Variants in PFKM observed in about 807,000 individuals in gnomAD.
PFKM encodes phosphofructokinase, muscle.
A neutral mutation model predicts 95.5 loss-of-function variants in PFKM; 58 were observed. That is an observed-to-expected ratio of 0.61 (90% CI 0.49 to 0.76). The LOEUF is 0.76. Ranked by LOEUF, PFKM falls within the 30% of genes least tolerant of loss-of-function variation. The pLI is 0.00. For missense variants in PFKM, 678 were observed against 1,005.4 expected, an observed-to-expected ratio of 0.67 and a Z score of 4.40; for synonymous variants, 336 against 357.2, an observed-to-expected ratio of 0.94 and a Z score of 0.67.
In PFKM at chr12:48,141,865, A is replaced by AC. The variant is rs777617439; in HGVS notation, c.1500+40dup. On this transcript the variant is annotated intron_variant, in intron 16 of 22. Transcript: ENST00000359794. ...CACCATTTCTTCCTCTCTCCCTCCT[A>AC]CCTCCTCTCCCTCTCCCCAATCCTG... 2.7e-5 allele frequency: 43 copies of AC among 1,611,548 alleles called. No homozygotes were observed. The African/African-American group carries it at 5.5e-4, about 21-fold the overall frequency.
rs759302810 is a variant in PFKM at position 48,145,745 on chromosome 12, T to C, written c.*37T>C. On this transcript the variant is annotated 3_prime_UTR_variant, in exon 23 of 23. Coordinates refer to ENST00000359794, the MANE Select transcript of PFKM (RefSeq NM_000289.6). This position sits in a 1 kb window ranked among gnomAD's most constrained non-coding sequence, Gnocchi z 4.3. ...GTGAGGGGAATAGATTACCTGATCA[T>C]GGTCAGCTCACACCCTAATAAGTCC... is the stretch of plus-strand genomic sequence containing the variant. 6.2e-6 allele frequency: 10 copies of C among 1,606,736 alleles called. No homozygotes were observed. Among genetic ancestry groups the C allele is most frequent in the Non-Finnish European group, 8.5e-6 (10 of 1,173,514 alleles).
chr12:48,117,099 C>T (rs909830046), upstream of PFKM, among the ~76,000 whole-genome samples: 1 of 152,200 alleles, frequency 6.6e-6, no homozygotes, highest in African/African-American at 2.4e-5. Context: ...TCCAGACTGT[C>T]ATACAGTTGG....
At chr12:48,141,858 CCCT>C (rs1363113382) in intron 16 of PFKM, 31 bp downstream of exon 16, 1 of 1,612,692 alleles carries the variant, frequency 6.2e-7, no homozygotes, top group Non-Finnish European at 8.5e-7. Context: ...CTTCCTCTCT[CCCT>C]CCTACCTCCT....
At chr12:48,110,333 C>A (rs564034281) in intron 3 of PFKM, among the ~76,000 whole-genome samples, 2 of 152,264 alleles carry the variant, frequency 1.3e-5, no homozygotes, top group African/African-American at 4.8e-5. Context: ...GTCTTATGGA[C>A]ACTTTTGAGC....
chr12:48,140,638 G>C (rs1421138208), intron 13 of PFKM, 84 bp from the exon 14 acceptor site: 1 of 1,295,890 alleles, frequency 7.7e-7, no homozygotes. Context: ...CAAGGGCTTA[G>C]AGCCCTTGCC....
At chr12:48,126,141 C>G (rs12831427) in intron 2 of PFKM, among the ~76,000 whole-genome samples, 3 of 152,140 alleles carry the variant, frequency 2.0e-5, no homozygotes, top group African/African-American at 7.2e-5. Context: ...TGCCTGTAAT[C>G]TTATCCTTCG....
intron 2 of PFKM, 140 bp downstream of exon 2, chr12:48,122,999 C>T: frequency 1.4e-6 from 1 of 707,866 alleles, no homozygotes; most frequent in South Asian, 1.7e-5. Context: ...GGCCTAAGTC[C>T]TCAAGTGCAT....
intron 17 of PFKM, chr12:48,142,428 G>A (rs572399468): frequency 1.6e-4 from 67 of 430,664 alleles, no homozygotes; most frequent in South Asian, 1.2e-3. Context: ...AGCAGAGATC[G>A]TGCCACTTTA....
chr12:48,134,391 C>T (rs991569472), intron 7 of PFKM, 115 bp downstream of exon 7: 7 of 902,062 alleles, frequency 7.8e-6, no homozygotes, highest in African/African-American at 3.2e-5. Context: ...TGCACATGCT[C>T]CTTGTGGTGT....
intron 13 of PFKM, 84 bp downstream of exon 13, chr12:48,139,996 A>G: frequency 1.1e-6 from 1 of 909,726 alleles, no homozygotes; most frequent in Non-Finnish European, 1.8e-6. Flanking sequence ...AGTCCATACA[A>G]CATAAGCCTT....
chr12:48,109,035 A>G (rs1285601604), intron 3 of PFKM, among the ~76,000 whole-genome samples: 1 of 152,224 alleles, frequency 6.6e-6, no homozygotes, highest in Admixed American at 6.5e-5. Context: ...AGCACTCACT[A>G]TTTGAAATCA....
upstream of PFKM, chr12:48,118,338 C>T (rs1947856598): frequency 5.0e-6 from 3 of 594,254 alleles, no homozygotes; most frequent in Non-Finnish European, 6.0e-6. Flanking sequence ...TTATCAGATA[C>T]ATGATTTGCA....
chr12:48,144,786 G>C (rs1403733370), intron 20 of PFKM, among the ~76,000 whole-genome samples: 2 of 152,226 alleles, frequency 1.3e-5, no homozygotes, highest in Non-Finnish European at 2.9e-5. Context: ...AGCTAAAAGA[G>C]GGGATTGTGG....
At chr12:48,118,699 C>T (rs768918508), upstream of PFKM, 3 of 656,048 alleles carry the variant, frequency 4.6e-6, no homozygotes, top group Non-Finnish European at 8.3e-6. Context: ...ATCCCGCCCC[C>T]ATCCCTCCCC....
intron 20 of PFKM, 109 bp downstream of exon 20, chr12:48,144,266 G>A: frequency 1.3e-6 from 1 of 774,052 alleles, no homozygotes; most frequent in Non-Finnish European, 2.3e-6. Context: ...GTCTTCTGGA[G>A]GAGCCTGTCA....
At chr12:48,144,960 CTG>C (rs1950901001) in intron 20 of PFKM, 69 bp from the exon 21 acceptor site, 2 of 1,096,698 alleles carry the variant, frequency 1.8e-6, no homozygotes, top group East Asian at 2.4e-5. Context: ...CTTTTTTTCT[CTG>C]TGTGTCTAGA....
At chr12:48,119,256 C>G (rs1309521398), upstream of PFKM, 1 of 984,168 alleles carries the variant, frequency 1.0e-6, no homozygotes, top group Non-Finnish European at 1.2e-6. Context: ...TTCTTGTCAG[C>G]ATCTGTTAGT....
intron 3 of PFKM, among the ~76,000 whole-genome samples, chr12:48,114,242 AT>A (rs1947471998): frequency 6.6e-6 from 1 of 152,188 alleles, no homozygotes; most frequent in Non-Finnish European, 1.5e-5. Context: ...TCCAGATTAA[AT>A]TGTAGGACAG....
chr12:48,130,580 G>C (rs2135845414), intron 3 of PFKM, 144 bp downstream of exon 3: 2 of 759,834 alleles, frequency 2.6e-6, no homozygotes, highest in Admixed American at 3.7e-5. Context: ...AGCTTCATGA[G>C]TCACTCTTTC....
Sources: allele counts gnomAD v4.1 joint callset (sites outside exome capture counted in the v4.1 genomes callset), GRCh38; gene constraint gnomAD v4.1.1; non-coding constraint Gnocchi (gnomAD v3.1); transcripts MANE v1.5; gene names NCBI Gene and HGNC (gene_info 2026-07-23, HGNC 2026-07-21).